Variants in TGFBRAP1 observed in about 807,000 individuals in gnomAD.
TGFBRAP1 encodes the protein transforming growth factor-beta receptor-associated protein 1.
A neutral mutation model predicts 83.2 loss-of-function variants in TGFBRAP1; 20 were observed. The ratio of observed to expected loss-of-function variants is 0.24; its 90% CI spans 0.17 to 0.35. The LOEUF is 0.35. Ranked by LOEUF, TGFBRAP1 falls within the 10% of genes least tolerant of loss-of-function variation. TGFBRAP1 has a pLI of 1.00. For missense variants in TGFBRAP1, 950 were observed against 1,099.4 expected (o/e 0.86, Z 1.92); for synonymous variants, 415 against 459.8 (o/e 0.90, Z 1.25).
intron 1 of TGFBRAP1, among the ~76,000 whole-genome samples, chr2:105,317,539 G>A (rs1678923397): frequency 6.6e-6 from 1 of 151,934 alleles, no homozygotes; most frequent in African/African-American, 2.4e-5. Context: ...TTGAAACACT[G>A]GAAAAAAAGC....
At chr2:105,280,963 C>T (rs368334502) in intron 5 of TGFBRAP1, among the ~76,000 whole-genome samples, 1 of 152,082 alleles carries the variant, frequency 6.6e-6, no homozygotes, top group Non-Finnish European at 1.5e-5. Flanking sequence ...AAGACACATA[C>T]AGAACTGGTG....
chr2:105,306,065 TTTG>T (rs757499455), intron 2 of TGFBRAP1, among the ~76,000 whole-genome samples: 1 of 112,920 alleles, frequency 8.9e-6, no homozygotes, highest in African/African-American at 3.6e-5. Context: ...TTTTTTGTTT[TTTG>T]TTTTTTTTTT....
At chr2:105,259,518 G>A (rs1676741116), downstream of TGFBRAP1, among the ~76,000 whole-genome samples, 1 of 152,178 alleles carries the variant, frequency 6.6e-6, no homozygotes, top group East Asian at 1.9e-4. Context: ...AACCATCCAA[G>A]AAGGGGCATG....
intron 5 of TGFBRAP1, among the ~76,000 whole-genome samples, chr2:105,281,822 T>C (rs547397945): frequency 2.0e-5 from 3 of 152,170 alleles, no homozygotes; most frequent in African/African-American, 7.2e-5. Flanking sequence ...AAAAGCAATT[T>C]TGTTCCCTGG....
chr2:105,282,128 G>T (rs1046453528), intron 5 of TGFBRAP1, among the ~76,000 whole-genome samples: 6 of 152,232 alleles, frequency 3.9e-5, no homozygotes, highest in African/African-American at 1.4e-4. Context: ...CGCTCCCACA[G>T]CAGAGCAGCA....
chr2:105,319,908 A>G (rs1193117772), intron 1 of TGFBRAP1, among the ~76,000 whole-genome samples: 1 of 151,204 alleles, frequency 6.6e-6, no homozygotes, highest in Non-Finnish European at 1.5e-5. Flanking sequence ...TATTTGTTAT[A>G]TACATACATA....
intron 10 of TGFBRAP1, among the ~76,000 whole-genome samples, chr2:105,271,059 T>A (rs541276755): frequency 1.3e-5 from 2 of 152,362 alleles, no homozygotes; most frequent in Admixed American, 1.3e-4. Flanking sequence ...CTGTGCTACC[T>A]GCAAGCCCAG....
intron 1 of TGFBRAP1, among the ~76,000 whole-genome samples, chr2:105,312,022 A>C (rs1678711387): frequency 6.6e-6 from 1 of 152,340 alleles, no homozygotes. Context: ...ATAAAAAGAT[A>C]AACTTTAGGC....
intron 1 of TGFBRAP1, among the ~76,000 whole-genome samples, chr2:105,328,473 G>T (rs768685729): frequency 1.3e-5 from 2 of 152,188 alleles, no homozygotes; most frequent in Non-Finnish European, 2.9e-5. Flanking sequence ...ATGGAACTGC[G>T]AGCTCTCAGT....
the TGFBRAP1 span, among the ~76,000 whole-genome samples, chr2:105,251,287 G>T: frequency 7.0e-6 from 1 of 143,786 alleles, no homozygotes; most frequent in African/African-American, 2.7e-5. Context: ...GATGTGAGGA[G>T]CCTCTCTGCC....
chr2:105,289,931 CA>C (rs1386395604), intron 4 of TGFBRAP1, among the ~76,000 whole-genome samples: 1 of 152,162 alleles, frequency 6.6e-6, no homozygotes, highest in Non-Finnish European at 1.5e-5. Context: ...CCACTTTCAC[CA>C]ATACGGTATT....
chr2:105,326,250 ATGTG>A (rs1256740167), intron 1 of TGFBRAP1, among the ~76,000 whole-genome samples: 3 of 152,118 alleles, frequency 2.0e-5, no homozygotes, highest in Non-Finnish European at 4.4e-5. Flanking sequence ...ATAAGGGTGT[ATGTG>A]TGTGTGTATG....
chr2:105,284,305 C>T lies in TGFBRAP1; in HGVS notation c.1121+11G>A. ...TGTAGTGGCAGTCTTGCTACCAGCA[C>T]CTCAAATTACCTGAAGAGCTCTTTA... is the stretch of plus-strand genomic sequence containing the variant. On this transcript the variant is annotated intron_variant, in intron 5 of 11. Transcript: ENST00000393359. 1 of 1,613,590 alleles carries T rather than the reference C, an allele frequency of 6.2e-7. No homozygotes were observed. The highest frequency in any genetic ancestry group is 8.5e-7 in the Non-Finnish European group (1 of 1,179,658).
At chr2:105,301,524 T>G (rs1321708988) in intron 2 of TGFBRAP1, among the ~76,000 whole-genome samples, 1 of 151,736 alleles carries the variant, frequency 6.6e-6, no homozygotes, top group Non-Finnish European at 1.5e-5. Flanking sequence ...GAGGTGGAGG[T>G]TGCAGTGAGC....
At chr2:105,274,235 T>C (rs1677260772) in intron 8 of TGFBRAP1, among the ~76,000 whole-genome samples, 1 of 152,208 alleles carries the variant, frequency 6.6e-6, no homozygotes, top group Non-Finnish European at 1.5e-5. Context: ...GCTGCCTTCC[T>C]GTGTCCATCA....
chr2:105,291,003 A>C (rs960284721), intron 4 of TGFBRAP1, among the ~76,000 whole-genome samples: 17 of 152,090 alleles, frequency 1.1e-4, no homozygotes, highest in African/African-American at 4.1e-4. Flanking sequence ...AGAGACTCCA[A>C]CTCAAAAAAA....
At chr2:105,251,411 C>A in the TGFBRAP1 span, among the ~76,000 whole-genome samples, 1 of 151,004 alleles carries the variant, frequency 6.6e-6, no homozygotes, top group African/African-American at 2.4e-5. Flanking sequence ...AGCACCTCTG[C>A]CCTGCCGCCC....
At chr2:105,328,222 G>A (rs1679275123) in intron 1 of TGFBRAP1, among the ~76,000 whole-genome samples, 2 of 152,132 alleles carry the variant, frequency 1.3e-5, no homozygotes, top group African/African-American at 4.8e-5. Flanking sequence ...GGCAGGATTT[G>A]AACCCACACT....
rs752886250 is a variant in TGFBRAP1, at chr2:105,267,071, CTTT to C, written c.*309_*311del. 5.4e-5 allele frequency: 12 copies of C among 222,282 alleles called. No homozygotes were observed. The highest frequency in any genetic ancestry group is 1.7e-4 in the East Asian group (2 of 11,600). The allele number at this position is 222,282 out of a possible 1,614,324, so 13.8% of individuals were successfully genotyped here. A position where few individuals can be genotyped will look rare whatever the true frequency, so the allele number is the denominator to read the frequency against. ...GTCTGGACTGCATGAGGAAGACTCCCTTTTTTTTTTTTTCAAAGTAGACCTCTG... is the reference window on the plus strand; with the variant it reads ...GTCTGGACTGCATGAGGAAGACTCCCTTTTTTTTTTCAAAGTAGACCTCTG... On this transcript the variant is annotated 3_prime_UTR_variant, in exon 12 of 12. Coordinates refer to ENST00000393359, the MANE Select transcript of TGFBRAP1 (RefSeq NM_004257.6).
Sources: gnomAD v4.1 joint callset for allele counts (sites outside exome capture counted in the v4.1 genomes callset) on GRCh38, gnomAD v4.1.1 for gene constraint, MANE v1.5 for transcripts, NCBI Gene and HGNC (gene_info 2026-07-23, HGNC 2026-07-21) for gene names.